Variants in C17orf58 observed in about 807,000 individuals in gnomAD.
C17orf58 encodes chromosome 17 open reading frame 58, also known as UPF0450 protein C17orf58.
C17orf58 carries 5 observed loss-of-function variants against 7.4 expected under a neutral mutation model. That is an observed-to-expected ratio of 0.67 (90% CI 0.35 to 1.42). The LOEUF is 1.42. C17orf58 is among the 40% of genes most tolerant of loss of function. The probability of loss-of-function intolerance (pLI) is 0.04; values close to 1 mark genes in which losing one functional copy is unlikely to be tolerated. For missense variants in C17orf58, 162 were observed against 174.2 expected, an observed-to-expected ratio of 0.93 and a Z score of 0.40; for synonymous variants, 60 against 70.6, an observed-to-expected ratio of 0.85 and a Z score of 0.75.
intron 1 of C17orf58, among the ~76,000 whole-genome samples, chr17:67,994,506 G>A (rs377442743): frequency 4.1e-3 from 67 of 16,372 alleles, no homozygotes; most frequent in Middle Eastern, 0.045. Flanking sequence ...GTGTGTGTGT[G>A]TGTGTGTGTG....
chr17:67,991,849 A>C lies in C17orf58; in HGVS notation c.*64T>G, dbSNP rs2070833997. On this transcript the variant is annotated 3_prime_UTR_variant, in exon 4 of 4. Coordinates refer to ENST00000580729, the MANE Select transcript of C17orf58 (RefSeq NM_001382359.1). Reference sequence around the variant, plus strand: ...AGGAGGACCCATTACATGAAGGTAGACCTTTCATGTCTTGTTGCCGACGTC... The same window carrying C: ...AGGAGGACCCATTACATGAAGGTAGCCCTTTCATGTCTTGTTGCCGACGTC... The C allele has an allele frequency of 7.3e-7, 1 of 1,367,382 alleles. No individual in the cohort carries two copies. Among genetic ancestry groups the C allele is most frequent in the Non-Finnish European group, 1.0e-6 (1 of 990,920 alleles). The allele number at this position is 1,367,382 out of a possible 1,614,324, so 84.7% of individuals were successfully genotyped here.
chr17:67,993,497 G>C lies in C17orf58; in HGVS notation c.564C>G (p.Pro188=). ...GLSPPQRDAE[P]GAEPCARACR... ...AGGCGCGCGCGCAGGGCTCAGCGCC[G>C]GGCTCCGCGTCCCTCTGCGGCGGGC... is the stretch of plus-strand genomic sequence containing the variant. The change falls in exon 2 of 4, where the codon CCC becomes CCG. Residue 188 remains proline (P), a synonymous_variant. Coordinates refer to ENST00000580729, the MANE Select transcript of C17orf58 (RefSeq NM_001382359.1). This position sits in a 1 kb window ranked among gnomAD's most constrained non-coding sequence, Gnocchi z 5.1. The C allele has an allele frequency of 5.0e-6, 2 of 401,398 alleles. No homozygotes were observed. Among genetic ancestry groups the C allele is most frequent in the Admixed American group, 4.5e-5 (1 of 22,436 alleles). The allele number at this position is 401,398 out of a possible 1,614,324, so 24.9% of individuals were successfully genotyped here.
At position 67,993,920 on chromosome 17, in the gene C17orf58, C is replaced by T. The variant is rs2070867284; in HGVS notation, c.141G>A (p.Gly47=). The T allele has an allele frequency of 7.6e-6, 3 of 392,936 alleles. No homozygotes were observed. The highest frequency in any genetic ancestry group is 3.6e-5 in the East Asian group (1 of 27,700). 24.3% of individuals were successfully genotyped at this position (392,936 alleles called of 1,614,324 possible). The part of the protein sequence containing the change: ...RGCPSAEETP[G]PRAQPLLEAP... ...CCTCAAGGAGTGGCTGCGCGCGGGGCCCCGGTGTCTCCTCCGCGCTCGGGC... is the reference window on the plus strand; with the variant it reads ...CCTCAAGGAGTGGCTGCGCGCGGGGTCCCGGTGTCTCCTCCGCGCTCGGGC... The change falls in exon 2 of 4, where the codon GGG becomes GGA. Residue 47 remains glycine, a synonymous_variant. Transcript: ENST00000580729. This position sits in a 1 kb window ranked among gnomAD's most constrained non-coding sequence, Gnocchi z 5.1.
At chr17:67,994,510 G>GTATATATATATATATATATATA (rs1291189426) in intron 1 of C17orf58, among the ~76,000 whole-genome samples, 51 of 71,454 alleles carry the variant, frequency 7.1e-4, no homozygotes, top group East Asian at 2.4e-3. Flanking sequence ...GTGTGTGTGT[G>GTATATATATATATATATATATA]TGTGTGTATA....
chr17:67,993,444 G>A lies in C17orf58; in HGVS notation c.617C>T (p.Ala206Val), dbSNP rs1555699469. 1 of 552,046 alleles carries A rather than the reference G, an allele frequency of 1.8e-6. No individual in the cohort carries two copies. Among genetic ancestry groups the A allele is most frequent in the Non-Finnish European group, 3.2e-6 (1 of 315,042 alleles). The allele number at this position is 552,046 out of a possible 1,614,324, so 34.2% of individuals were successfully genotyped here. Reference sequence around the variant, plus strand: ...CTCACCGAATTCGCTCTCGCAGAACGCCTCGCGTTCGTCCAGATCGGACCG... The same window carrying A: ...CTCACCGAATTCGCTCTCGCAGAACACCTCGCGTTCGTCCAGATCGGACCG... Reference protein sequence around the residue: ...ACRSDLDEREAFCESEFAVNG... With the variant: ...ACRSDLDEREVFCESEFAVNG... Residue 206 changes from alanine to valine, a missense_variant, in exon 2 of 4, where the codon GCG becomes GTG. Transcript: ENST00000580729. This position sits in a 1 kb window ranked among gnomAD's most constrained non-coding sequence, Gnocchi z 5.1.
At chr17:67,992,226 A>G in intron 3 of C17orf58, 123 bp from the exon 4 acceptor site, 1 of 861,790 alleles carries the variant, frequency 1.2e-6, no homozygotes, top group Non-Finnish European at 1.7e-6. Flanking sequence ...GTTGAAACTG[A>G]TATTGAGTCT....
In C17orf58 at chr17:67,994,577, G is replaced by T. The variant is rs377724556; in HGVS notation, c.77-593C>A. Among the ~76,000 whole-genome samples, 15 of 140,978 alleles carry T rather than the reference G, an allele frequency of 1.1e-4. No individual in the cohort carries two copies. In the East Asian group the frequency reaches 2.8e-3, roughly 27 times the overall value. The allele number at this position is 140,978 out of a possible 152,430, so 92.5% of individuals were successfully genotyped here. On this transcript the variant is annotated intron_variant, in intron 1 of 3. Transcript: ENST00000580729. ...TCCGCCTCTTTGCTATTTACAGTTT[G>T]TTGAGAAAGTACCAAGAGCAAACCC...
At position 67,993,841 on chromosome 17, in the gene C17orf58, C is replaced by A. The variant is rs2070865943; in HGVS notation, c.220G>T (p.Asp74Tyr). The change falls in exon 2 of 4, where the codon GAC (aspartate) becomes TAC (tyrosine). Residue 74 changes from aspartate to tyrosine, a missense_variant. By Grantham distance (160) the Asp-to-Tyr change is radical (BLOSUM62 -3). Transcript: ENST00000580729. This position sits in a 1 kb window ranked among gnomAD's most constrained non-coding sequence, Gnocchi z 5.1. The part of the protein sequence containing the change: ...EVAPAARAWP[D>Y]PRRRKPPPPA... ...GGTGGGGGCTTCCGGCGGCGCGGGT[C>A]AGGCCAGGCGCGGGCGGCGGGAGCG... 6.2e-6 allele frequency: 2 copies of A among 323,520 alleles called. No individual in the cohort carries two copies. The highest frequency in any genetic ancestry group is 1.1e-5 in the Non-Finnish European group (2 of 181,588). The allele number at this position is 323,520 out of a possible 1,614,324, so 20.0% of individuals were successfully genotyped here.
chr17:67,994,516 G>GTGTGTGTGTGTATATATATATATATATA (rs1244199425), intron 1 of C17orf58, among the ~76,000 whole-genome samples: 1 of 89,544 alleles, frequency 1.1e-5, no homozygotes, highest in African/African-American at 3.7e-5. Context: ...GTGTGTGTGT[G>GTGTGTGTGTGTATATATATATATATATA]TATATATATA....
chr17:67,994,691 A>C (rs2070878003), intron 1 of C17orf58, among the ~76,000 whole-genome samples: 1 of 151,796 alleles, frequency 6.6e-6, no homozygotes, highest in Admixed American at 6.6e-5. Context: ...CCATGTTTAC[A>C]CTGTCATCCC....
In C17orf58 at chr17:67,993,280, C is replaced by T; in HGVS notation, c.638-45G>A. ...TGGAGAAGAGCATTACCCCGAGTTC[C>T]TCTCCCAGTCCCCCAGGAGGTGGTT... On this transcript the variant is annotated intron_variant, in intron 2 of 3. Transcript: ENST00000580729. This position sits in a 1 kb window ranked among gnomAD's most constrained non-coding sequence, Gnocchi z 5.1. 8.2e-7 allele frequency: 1 copy of T among 1,216,606 alleles called. No individual in the cohort carries two copies. Among genetic ancestry groups the T allele is most frequent in the Non-Finnish European group, 1.2e-6 (1 of 867,130 alleles). The allele number at this position is 1,216,606 out of a possible 1,614,324, so 75.4% of individuals were successfully genotyped here. A position where few individuals can be genotyped will look rare whatever the true frequency, so the allele number is the denominator to read the frequency against.
intron 1 of C17orf58, among the ~76,000 whole-genome samples, chr17:67,994,831 T>C (rs1555699655): frequency 6.6e-6 from 1 of 152,070 alleles, no homozygotes; most frequent in Non-Finnish European, 1.5e-5. Context: ...TGGTTAAGTA[T>C]AAAAGCACAC....
At chr17:67,992,952 G>A in intron 3 of C17orf58, 92 bp downstream of exon 3, 1 of 1,614,136 alleles carries the variant, frequency 6.2e-7, no homozygotes, top group South Asian at 1.1e-5. Context: ...CCCAAAAAAA[G>A]GCTGGGCGAC....
Position 67,991,321 on chromosome 17 carries a change from TTTTTA to T in C17orf58, c.*587_*591del, listed in dbSNP as rs1221618876. 1 of 152,200 alleles carries T rather than the reference TTTTTA, an allele frequency of 6.6e-6. No homozygotes were observed. The highest frequency in any genetic ancestry group is 1.5e-5 in the Non-Finnish European group (1 of 68,042). 9.4% of individuals were successfully genotyped at this position (152,200 alleles called of 1,614,324 possible). A position where few individuals can be genotyped will look rare whatever the true frequency, so the allele number is the denominator to read the frequency against. Reference sequence around the variant, plus strand: ...CCTGAAGTAAGCCCTTTAGTACTATTTTTTATTTTATTTATTTTTTTAATCCACCC... The same window carrying T: ...CCTGAAGTAAGCCCTTTAGTACTATTTTTTATTTATTTTTTTAATCCACCC... On this transcript the variant is annotated 3_prime_UTR_variant, in exon 4 of 4. Coordinates refer to ENST00000580729, the MANE Select transcript of C17orf58 (RefSeq NM_001382359.1).
In C17orf58 at chr17:67,993,142, T is replaced by C. The variant is rs782521219; in HGVS notation, c.731A>G (p.Asn244Ser). The change falls in exon 3 of 4, where the codon AAC (asparagine) becomes AGC (serine). Residue 244 changes from asparagine (N) to serine (S), a missense_variant. Coordinates refer to ENST00000580729, the MANE Select transcript of C17orf58 (RefSeq NM_001382359.1). The surrounding 1 kb of genome is among the most constrained non-coding windows in gnomAD (Gnocchi z 5.1). Reference sequence around the variant, plus strand: ...GCCGTCGGGGGTGAGGTACAGGCGGTTCATCTTGTACAGCCCGTCCCGATC... The same window carrying C: ...GCCGTCGGGGGTGAGGTACAGGCGGCTCATCTTGTACAGCCCGTCCCGATC... ...LVDRDGLYKM[N>S]RLYLTPDGFF... 1 of 1,613,718 alleles carries C rather than the reference T, an allele frequency of 6.2e-7. No homozygotes were observed. Among genetic ancestry groups the C allele is most frequent in the South Asian group, 1.1e-5 (1 of 91,058 alleles).
chr17:67,994,070 G>T (rs2070868651), intron 1 of C17orf58, 86 bp from the exon 2 acceptor site: 1 of 365,416 alleles, frequency 2.7e-6, no homozygotes, highest in Non-Finnish European at 4.9e-6. Context: ...CGAGGAAGCC[G>T]AGAAGGAAGA....
chr17:67,993,873 G>A lies in C17orf58; in HGVS notation c.188C>T (p.Ala63Val), dbSNP rs1434097504. The A allele has an allele frequency of 1.1e-5, 4 of 366,234 alleles. No individual in the cohort carries two copies. The highest frequency in any genetic ancestry group is 4.7e-5 in the Admixed American group (1 of 21,382). The allele number at this position is 366,234 out of a possible 1,614,324, so 22.7% of individuals were successfully genotyped here. ...LLEAPQRPRA[A>V]EVAPAARAWP... ...GGCGCGGGCGGCGGGAGCGACCTCG[G>A]CCGCGCGCGGCCGCTGCGGGGCCTC... The change falls in exon 2 of 4, where the codon GCC becomes GTC. Residue 63 changes from alanine to valine, a missense_variant. By Grantham distance (64) the Ala-to-Val change is moderately conservative. Coordinates refer to ENST00000580729, the MANE Select transcript of C17orf58 (RefSeq NM_001382359.1). The surrounding 1 kb of genome is among the most constrained non-coding windows in gnomAD (Gnocchi z 5.1).
Position 67,991,375 on chromosome 17 carries a change from C to CTCTT in C17orf58, c.*534_*537dup, listed in dbSNP as rs1555699217. ...CCATCTGCACACTGGCCCTTTAGTA[C>CTCTT]TCTTTAAGTATAAAACTTTAATACT... On this transcript the variant is annotated 3_prime_UTR_variant, in exon 4 of 4. Coordinates refer to ENST00000580729, the MANE Select transcript of C17orf58 (RefSeq NM_001382359.1). 1.7e-5 allele frequency: 2 copies of CTCTT among 115,482 alleles called. No homozygotes were observed. The highest frequency in any genetic ancestry group is 4.1e-5 in the Non-Finnish European group (2 of 48,664). The allele number at this position is 115,482 out of a possible 1,614,324, so 7.2% of individuals were successfully genotyped here.
chr17:67,995,812 C>A (rs1263549174), intron 1 of C17orf58, among the ~76,000 whole-genome samples: 2 of 152,250 alleles, frequency 1.3e-5, no homozygotes, highest in African/African-American at 4.8e-5. Flanking sequence ...AAAGGCGCGC[C>A]ACGACCCCTT....
Sources: allele counts gnomAD v4.1 joint callset (sites outside exome capture counted in the v4.1 genomes callset), GRCh38; gene constraint gnomAD v4.1.1; non-coding constraint Gnocchi (gnomAD v3.1); transcripts MANE v1.5; gene names NCBI Gene and HGNC (gene_info 2026-07-23, HGNC 2026-07-21).